The following GRIPAP1 variants were observed in gnomAD, a reference collection of about 807,000 sequenced individuals.
GRIPAP1 encodes GRIP1-associated protein 1.
A neutral mutation model predicts 84.1 loss-of-function variants in GRIPAP1; 14 were observed. The observed-to-expected ratio is 0.17, with a 90% confidence interval of 0.11 to 0.26. GRIPAP1 has a LOEUF of 0.26. GRIPAP1 is among the 10% of genes least tolerant of loss of function. The pLI, the probability that GRIPAP1 is intolerant of heterozygous loss-of-function variation, is 1.00. For missense variants in GRIPAP1, 518 were observed against 674.2 expected (o/e 0.77, Z 2.57); for synonymous variants, 261 against 256.8 (o/e 1.02, Z -0.15).
chrX:48,978,187 A>G, intron 22 of GRIPAP1, 118 bp downstream of exon 22: 1 of 806,533 alleles, frequency 1.2e-6, no homozygotes, highest in Non-Finnish European at 1.8e-6. Flanking sequence ...AGTTGACAAG[A>G]AAATATGTGT....
rs1346054954 is a variant in GRIPAP1, at chrX:48,990,073, A to G, written c.691-70T>C. On this transcript the variant is annotated intron_variant, in intron 8 of 25. Coordinates refer to ENST00000376423, the MANE Select transcript of GRIPAP1 (RefSeq NM_020137.5). ...AAAGACAAACCTAAAATTAATAAAT[A>G]TAGACACTTCTTATTAAGTCATTTT... 12 of 868,910 alleles carry G rather than the reference A, an allele frequency of 1.4e-5. No homozygotes were observed. In the African/African-American group the frequency reaches 2.5e-4, roughly 18 times the overall value. The allele number at this position is 868,910 out of a possible 1,213,427, so 71.6% of individuals were successfully genotyped here. A position where few individuals can be genotyped will look rare whatever the true frequency, so the allele number is the denominator to read the frequency against.
rs2064411826 is a variant in GRIPAP1, at chrX:48,974,437, C to T, written c.2434-152G>A. Reference sequence around the variant, plus strand: ...GGATGAGAAGGTACTTGGAGAAGCTCACAGCACCCCCAACAGTGGGCAGGG... The same window carrying T: ...GGATGAGAAGGTACTTGGAGAAGCTTACAGCACCCCCAACAGTGGGCAGGG... On this transcript the variant is annotated intron_variant, in intron 25 of 25. Coordinates refer to ENST00000376423, the MANE Select transcript of GRIPAP1 (RefSeq NM_020137.5). 3 of 443,618 alleles carry T rather than the reference C, an allele frequency of 6.8e-6. No homozygotes were observed. The Admixed American group carries it at 1.0e-4, about 15-fold the overall frequency. 36.6% of individuals were successfully genotyped at this position (443,618 alleles called of 1,213,427 possible). A position where few individuals can be genotyped will look rare whatever the true frequency, so the allele number is the denominator to read the frequency against.
intron 23 of GRIPAP1, 61 bp from the exon 24 acceptor site, chrX:48,976,172 G>C: frequency 8.4e-7 from 1 of 1,192,036 alleles, no homozygotes; most frequent in Non-Finnish European, 1.1e-6. Flanking sequence ...CATGAGGCGG[G>C]CCCGGGCAGA....
At chrX:48,997,415 G>A (rs1569520118) in intron 4 of GRIPAP1, 58 bp from the exon 5 acceptor site, 2 of 656,799 alleles carry the variant, frequency 3.0e-6, no homozygotes, top group Non-Finnish European at 2.4e-6. Context: ...AGGGAGGTAG[G>A]GCAAAGAAAC....
intron 1 of GRIPAP1, among the ~76,000 whole-genome samples, chrX:49,000,189 C>A (rs2064569734): frequency 9.3e-6 from 1 of 107,757 alleles, no homozygotes; most frequent in African/African-American, 3.4e-5. Flanking sequence ...TATGGTGAAA[C>A]CCCGTCTCCA....
intron 1 of GRIPAP1, among the ~76,000 whole-genome samples, chrX:49,001,650 C>G (rs1314354498): frequency 9.1e-6 from 1 of 110,166 alleles, no homozygotes; most frequent in Non-Finnish European, 1.9e-5. Context: ...TACCAACCAC[C>G]AATGGCACAG....
Position 48,981,633 on chromosome X carries a change from C to T in GRIPAP1, c.1736G>A (p.Arg579Gln), listed in dbSNP as rs782609474. Residue 579 changes from arginine to glutamine, a missense_variant, in exon 19 of 26, where the codon CGG (arginine) becomes CAG (glutamine). Physicochemically the swap from Arg to Gln is conservative, Grantham distance 43. Transcript: ENST00000376423. ...RDQLEQAQEE[R>Q]DCHLKTISSL... is the part of the protein sequence containing the mutation. ...GCTAATGGTCTTCAGGTGGCAGTCC[C>T]GCTCCTCCTGGGCCTGCTCGAGCTG... 3 of 1,207,597 alleles carry T rather than the reference C, an allele frequency of 2.5e-6. No homozygotes were observed. Among genetic ancestry groups the T allele is most frequent in the Middle Eastern group, 2.3e-4 (1 of 4,363 alleles).
At position 48,983,802 on chromosome X, in the gene GRIPAP1, C is replaced by T. The variant is rs1451982026; in HGVS notation, c.1245G>A (p.Leu415=). ...LQEIGQEKEQ[L]TQELQEARKS... Reference sequence around the variant, plus strand: ...TCCGAGCCTCCTGTAATTCCTGGGTCAACTGCTCCTTCTCCTGCCCTATTT... The same window carrying T: ...TCCGAGCCTCCTGTAATTCCTGGGTTAACTGCTCCTTCTCCTGCCCTATTT... Residue 415 remains leucine (L), a synonymous_variant, in exon 15 of 26, where the codon TTG becomes TTA. Coordinates refer to ENST00000376423, the MANE Select transcript of GRIPAP1 (RefSeq NM_020137.5). The T allele has an allele frequency of 4.2e-6, 5 of 1,188,644 alleles. No individual in the cohort carries two copies. The highest frequency in any genetic ancestry group is 5.7e-6 in the Non-Finnish European group (5 of 876,381).
chrX:48,993,603 G>A, intron 5 of GRIPAP1, 25 bp from the exon 6 acceptor site: 1 of 1,076,908 alleles, frequency 9.3e-7, no homozygotes, highest in East Asian at 3.5e-5. Flanking sequence ...AGAAGGGGCA[G>A]AGAAGCAGAG....
chrX:49,001,185 T>C (rs1557068492), intron 1 of GRIPAP1, among the ~76,000 whole-genome samples: 1 of 111,484 alleles, frequency 9.0e-6, no homozygotes, highest in African/African-American at 3.3e-5. Flanking sequence ...CTTACTCACT[T>C]AGAATCCCTT....
chrX:48,989,658 A>T lies in GRIPAP1; in HGVS notation c.823T>A (p.Leu275Met), dbSNP rs782197996. Residue 275 changes from leucine to methionine, a missense_variant, in exon 11 of 26, where the codon TTG (leucine) becomes ATG (methionine). By Grantham distance (15) the Leu-to-Met change is conservative. This residue lies in a region of GRIPAP1 where 372 missense variants were observed against 458.1 expected (regional missense o/e 0.81). Coordinates refer to ENST00000376423, the MANE Select transcript of GRIPAP1 (RefSeq NM_020137.5). ...QRKEADHKAQLARTQKLQQEL... is the reference protein window; with the variant it reads ...QRKEADHKAQMARTQKLQQEL... ...TGCTGCAGCTTCTGGGTTCGAGCCA[A>T]CTGGGCTTTGTGATCAGCTTCCTTC... 1.7e-6 allele frequency: 2 copies of T among 1,208,154 alleles called. No homozygotes were observed. Among genetic ancestry groups the T allele is most frequent in the East Asian group, 5.9e-5 (2 of 33,834 alleles).
rs2064470890 is a variant in GRIPAP1 at position 48,983,711 on chromosome X, A to C, written c.1272+64T>G. The C allele has an allele frequency of 5.9e-6, 4 of 681,907 alleles. No individual in the cohort carries two copies. The East Asian group carries it at 9.6e-5, about 16-fold the overall frequency. 56.2% of individuals were successfully genotyped at this position (681,907 alleles called of 1,213,427 possible). ...ATGTTTGGTTATATCACCTCCTCCC[A>C]TCCCCATGGACTGAGCCAATTCCTA... is the stretch of plus-strand genomic sequence containing the variant. On this transcript the variant is annotated intron_variant, in intron 15 of 25. Transcript: ENST00000376423.
intron 6 of GRIPAP1, 27 bp downstream of exon 6, chrX:48,993,401 C>G: frequency 9.1e-7 from 1 of 1,102,762 alleles, no homozygotes; most frequent in Non-Finnish European, 1.2e-6. Context: ...CCAATGTCTC[C>G]GCATCCCCAG....
chrX:48,974,234 C>A lies in GRIPAP1; in HGVS notation c.2485G>T (p.Gly829Trp). ...EIVRLSKECVGPPDPDLEPGE... is the reference protein window; with the variant it reads ...EIVRLSKECVWPPDPDLEPGE... ...GGCTCTAGGTCTGGGTCAGGAGGCC[C>A]CACGCACTCCTTGCTGAGCCGCACA... The change falls in exon 26 of 26, where the codon GGG (glycine) becomes TGG (tryptophan). Residue 829 changes from glycine to tryptophan, a missense_variant. Around this residue, in one of 5 missense-constraint regions of GRIPAP1, gnomAD observed 30 missense variants for 23.8 expected, o/e 1.26. Transcript: ENST00000376423. 8.3e-7 allele frequency: 1 copy of A among 1,208,244 alleles called. No individual in the cohort carries two copies. The highest frequency in any genetic ancestry group is 1.1e-6 in the Non-Finnish European group (1 of 892,488).
intron 6 of GRIPAP1, among the ~76,000 whole-genome samples, chrX:48,992,750 C>T (rs781961721): frequency 8.9e-6 from 1 of 112,181 alleles, no homozygotes; most frequent in South Asian, 3.7e-4. Flanking sequence ...TTTCAGCTTT[C>T]ATCCCAGACC....
chrX:48,984,163 A>C (rs1348849167), intron 14 of GRIPAP1, among the ~76,000 whole-genome samples: 1 of 110,979 alleles, frequency 9.0e-6, no homozygotes, highest in Non-Finnish European at 1.9e-5. Flanking sequence ...GGAAGTGGTG[A>C]GTGTAATTTA....
chrX:48,997,669 T>G, intron 4 of GRIPAP1, among the ~76,000 whole-genome samples: 4 of 87,422 alleles, frequency 4.6e-5, no homozygotes, highest in African/African-American at 8.7e-5. Flanking sequence ...GGGAGAGGGA[T>G]TGGGAGGGAG....
chrX:48,985,190 C>T, intron 14 of GRIPAP1, 78 bp downstream of exon 14: 1 of 927,355 alleles, frequency 1.1e-6, no homozygotes, highest in Admixed American at 2.3e-5. Flanking sequence ...TCCAGTCTTC[C>T]CACTCCACCT....
intron 5 of GRIPAP1, among the ~76,000 whole-genome samples, chrX:48,995,342 G>A (rs2064541752): frequency 8.9e-6 from 1 of 112,005 alleles, no homozygotes; most frequent in East Asian, 2.8e-4. Flanking sequence ...CTGGAGGCAG[G>A]AAGCAGTGAG....
Sources: gnomAD v4.1 joint callset for allele counts (sites outside exome capture counted in the v4.1 genomes callset) on GRCh38, gnomAD v4.1.1 for gene constraint, gnomAD v4.1.1 regional missense constraint, MANE v1.5 for transcripts, NCBI Gene and HGNC (gene_info 2026-07-23, HGNC 2026-07-21) for gene names.